POLDIP3: variants seen among roughly 807,000 people sequenced by gnomAD.
The protein encoded by POLDIP3 is DNA polymerase delta interacting protein 3, also known as polymerase delta-interacting protein 3.
POLDIP3 carries 14 observed loss-of-function variants against 45.1 expected under a neutral mutation model. The observed-to-expected ratio is 0.31, with a 90% CI of 0.20 to 0.49. POLDIP3 has a LOEUF of 0.49. Ranked by LOEUF, POLDIP3 falls within the 20% of genes least tolerant of loss-of-function variation. The probability of loss-of-function intolerance (pLI) is 0.99; values close to 1 mark genes in which losing one functional copy is unlikely to be tolerated. For synonymous variants in POLDIP3, 223 were observed against 205.2 expected (o/e 1.09, Z -0.74); for missense variants, 511 against 538.8 (o/e 0.95, Z 0.51).
In POLDIP3 at chr22:42,585,900, G is replaced by T; in HGVS notation, c.1157C>A (p.Ser386Tyr). 1 of 1,613,478 alleles carries T rather than the reference G, an allele frequency of 6.2e-7. No individual in the cohort carries two copies. Among genetic ancestry groups the T allele is most frequent in the South Asian group, 1.1e-5 (1 of 91,032 alleles). The change falls in exon 9 of 9, where the codon TCC becomes TAC. Residue 386 changes from serine (S) to tyrosine (Y), a missense_variant. Around this residue, in one of 4 missense-constraint regions of POLDIP3, gnomAD observed 45 missense variants for 34.3 expected, o/e 1.31. Transcript: ENST00000252115. ...GTCCACTTCGGCAGGGGGGTTGGAG[G>T]AGGAGGCAGAGTTCACCCTGCGAGG... ...ELPRRVNSASSSNPPAEVDPD... is the reference protein window; with the variant it reads ...ELPRRVNSASYSNPPAEVDPD...
intron 4 of POLDIP3, among the ~76,000 whole-genome samples, chr22:42,596,641 G>A (rs971428820): frequency 1.3e-5 from 2 of 152,158 alleles, no homozygotes; most frequent in Non-Finnish European, 2.9e-5. Flanking sequence ...ATACAGCCCT[G>A]ACCTGGAAAA....
In POLDIP3 at chr22:42,585,895, T is replaced by G; in HGVS notation, c.1162A>C (p.Asn388His). The change falls in exon 9 of 9, where the codon AAC becomes CAC. Residue 388 changes from asparagine to histidine, a missense_variant. By Grantham distance (68) the Asn-to-His change is moderately conservative. Around this residue, in one of 4 missense-constraint regions of POLDIP3, gnomAD observed 45 missense variants for 34.3 expected, o/e 1.31. Coordinates refer to ENST00000252115, the MANE Select transcript of POLDIP3 (RefSeq NM_032311.5). ...TCAGGGTCCACTTCGGCAGGGGGGT[T>G]GGAGGAGGAGGCAGAGTTCACCCTG... The part of the protein sequence containing the change: ...PRRVNSASSS[N>H]PPAEVDPDTI... 1 of 1,613,414 alleles carries G rather than the reference T, an allele frequency of 6.2e-7. No individual in the cohort carries two copies. Among genetic ancestry groups the G allele is most frequent in the South Asian group, 1.1e-5 (1 of 91,028 alleles).
At chr22:42,592,872 C>G (rs965425075) in intron 6 of POLDIP3, among the ~76,000 whole-genome samples, 1 of 152,184 alleles carries the variant, frequency 6.6e-6, no homozygotes, top group Non-Finnish European at 1.5e-5. Context: ...GCACTCACGC[C>G]ATTTCTTCAC....
Position 42,587,566 on chromosome 22 carries a change from G to C in POLDIP3, c.1028C>G (p.Pro343Arg). The C allele has an allele frequency of 6.2e-7, 1 of 1,613,942 alleles. No homozygotes were observed. Among genetic ancestry groups the C allele is most frequent in the Non-Finnish European group, 8.5e-7 (1 of 1,179,830 alleles). Residue 343 changes from proline (P) to arginine (R), a missense_variant, in exon 8 of 9, where the codon CCG becomes CGG. By Grantham distance (103) the Pro-to-Arg change is moderately radical. This residue lies in a region of POLDIP3 where 66 missense variants were observed against 118.1 expected (regional missense o/e 0.56). Coordinates refer to ENST00000252115, the MANE Select transcript of POLDIP3 (RefSeq NM_032311.5). ...KYNNRCLDGQ[P>R]MKCNLHMNGN... ...ATTCATGTGAAGGTTGCACTTCATCGGCTGCCCTGAAAAACCAAAGAAAGA... is the reference window on the plus strand; with the variant it reads ...ATTCATGTGAAGGTTGCACTTCATCCGCTGCCCTGAAAAACCAAAGAAAGA...
chr22:42,594,280 G>C (rs1925849475), intron 6 of POLDIP3, among the ~76,000 whole-genome samples: 1 of 151,880 alleles, frequency 6.6e-6, no homozygotes, highest in African/African-American at 2.4e-5. Flanking sequence ...ACAAATCGAG[G>C]TGGGTGGATC....
intron 1 of POLDIP3, 32 bp downstream of exon 1, chr22:42,614,767 C>G (rs761050828): frequency 6.2e-7 from 1 of 1,613,278 alleles, no homozygotes; most frequent in Non-Finnish European, 8.5e-7. Flanking sequence ...GGCCGAGGAC[C>G]CTAAACCCCG....
At chr22:42,601,332 G>C (rs1926355558) in intron 3 of POLDIP3, among the ~76,000 whole-genome samples, 1 of 147,834 alleles carries the variant, frequency 6.8e-6, no homozygotes, top group Admixed American at 6.8e-5. Flanking sequence ...GGGCAATATA[G>C]CGAGACCCCG....
intron 2 of POLDIP3, 104 bp from the exon 3 acceptor site, chr22:42,602,160 C>G: frequency 6.3e-7 from 1 of 1,577,490 alleles, no homozygotes; most frequent in Non-Finnish European, 8.6e-7. Flanking sequence ...CAGCTTTGGT[C>G]TTTGGTAAAA....
intron 7 of POLDIP3, among the ~76,000 whole-genome samples, chr22:42,591,498 C>G (rs1715950884): frequency 6.6e-6 from 1 of 152,204 alleles, no homozygotes. Context: ...AGACAGAATT[C>G]TTCTCTACAG....
chr22:42,600,968 A>G (rs1012343739), intron 3 of POLDIP3, among the ~76,000 whole-genome samples: 14 of 151,362 alleles, frequency 9.2e-5, no homozygotes, highest in African/African-American at 3.2e-4. Context: ...GGTGGTATGC[A>G]CCTGTGATCC....
chr22:42,609,676 G>A (rs1364266246), intron 1 of POLDIP3, among the ~76,000 whole-genome samples: 2 of 152,062 alleles, frequency 1.3e-5, no homozygotes, highest in Admixed American at 6.6e-5. Flanking sequence ...AGCCAAGATC[G>A]CACCACTGCA....
intron 1 of POLDIP3, among the ~76,000 whole-genome samples, chr22:42,604,104 C>A (rs1926572742): frequency 2.0e-5 from 3 of 152,126 alleles, no homozygotes; most frequent in Admixed American, 1.3e-4. Flanking sequence ...TCGCCTCCCA[C>A]CCTCAGGCCT....
chr22:42,591,866 C>T (rs995449914), intron 7 of POLDIP3, 89 bp downstream of exon 7: 14 of 1,558,610 alleles, frequency 9.0e-6, no homozygotes, highest in African/African-American at 1.4e-5. Flanking sequence ...TTCCACCCAT[C>T]TCACAGAGAC....
chr22:42,584,478 C>T lies in POLDIP3; in HGVS notation c.*1313G>A, dbSNP rs573063352. 372 of 171,794 alleles carry T rather than the reference C, an allele frequency of 2.2e-3. 2 individuals are homozygous for T. The highest frequency in any genetic ancestry group is 8.2e-3 in the African/African-American group (343 of 41,674). 10.6% of individuals were successfully genotyped at this position (171,794 alleles called of 1,614,324 possible). On this transcript the variant is annotated 3_prime_UTR_variant, in exon 9 of 9. Coordinates refer to ENST00000252115, the MANE Select transcript of POLDIP3 (RefSeq NM_032311.5). ...TATCTTCGGCATGTGCCTTTTCCAG[C>T]ACTTGCTACTGATTTTGCAGAGCTC...
At position 42,585,687 on chromosome 22, in the gene POLDIP3, C is replaced by T; in HGVS notation, c.*104G>A. On this transcript the variant is annotated 3_prime_UTR_variant, in exon 9 of 9. Transcript: ENST00000252115. Reference sequence around the variant, plus strand: ...TCTTTATCCCTGGCAACCCTTCCCACAATCAGGGGTCTCCAGTCCGATGGC... The same window carrying T: ...TCTTTATCCCTGGCAACCCTTCCCATAATCAGGGGTCTCCAGTCCGATGGC... 1 of 1,370,962 alleles carries T rather than the reference C, an allele frequency of 7.3e-7. No individual in the cohort carries two copies. The highest frequency in any genetic ancestry group is 2.3e-5 in the East Asian group (1 of 43,274). 84.9% of individuals were successfully genotyped at this position (1,370,962 alleles called of 1,614,324 possible).
intron 3 of POLDIP3, among the ~76,000 whole-genome samples, chr22:42,601,628 G>A (rs1926380921): frequency 6.6e-6 from 1 of 152,118 alleles, no homozygotes; most frequent in East Asian, 1.9e-4. Context: ...GGGTGTGGTG[G>A]TACGCGCCTG....
intron 6 of POLDIP3, among the ~76,000 whole-genome samples, chr22:42,592,343 A>G (rs772841376): frequency 2.6e-5 from 4 of 152,270 alleles, no homozygotes; most frequent in African/African-American, 9.6e-5. Context: ...AGCCACCACC[A>G]AAGTCTTCAG....
At position 42,585,712 on chromosome 22, in the gene POLDIP3, C is replaced by T; in HGVS notation, c.*79G>A. On this transcript the variant is annotated 3_prime_UTR_variant, in exon 9 of 9. Transcript: ENST00000252115. ...CAATCAGGGGTCTCCAGTCCGATGG[C>T]CCATTGGTCATAAGCTTTGCCTTGG... 1 of 1,487,374 alleles carries T rather than the reference C, an allele frequency of 6.7e-7. No individual in the cohort carries two copies. The highest frequency in any genetic ancestry group is 1.4e-5 in the African/African-American group (1 of 71,356). The allele number at this position is 1,487,374 out of a possible 1,614,324, so 92.1% of individuals were successfully genotyped here.
At chr22:42,599,625 A>G (rs1202330894) in intron 4 of POLDIP3, 73 bp downstream of exon 4, 1 of 1,138,682 alleles carries the variant, frequency 8.8e-7, no homozygotes, top group Non-Finnish European at 1.3e-6. Context: ...AAAAAACAAC[A>G]GGTTCTATTC....
Sources: gnomAD v4.1 joint callset for allele counts (sites outside exome capture counted in the v4.1 genomes callset) on GRCh38, gnomAD v4.1.1 for gene constraint, gnomAD v4.1.1 regional missense constraint, MANE v1.5 for transcripts, NCBI Gene and HGNC (gene_info 2026-07-23, HGNC 2026-07-21) for gene names.